Variants in SCUBE1 observed in about 807,000 individuals in gnomAD.
SCUBE1 encodes signal peptide, CUB and EGF-like domain-containing protein 1.
In SCUBE1, 59 loss-of-function variants were observed where a neutral mutation model predicts 124.4. The observed-to-expected ratio is 0.47, with a 90% CI of 0.38 to 0.59. SCUBE1 has a LOEUF of 0.59. Ranked by LOEUF, SCUBE1 falls within the 20% of genes least tolerant of loss-of-function variation. The pLI is 0.00. For synonymous variants in SCUBE1, 545 were observed against 550.9 expected, an observed-to-expected ratio of 0.99 and a Z score of 0.15; for missense variants, 1,150 against 1,371.2, an observed-to-expected ratio of 0.84 and a Z score of 2.55.
intron 3 of SCUBE1, among the ~76,000 whole-genome samples, chr22:43,311,712 T>C (rs1167159225): frequency 6.6e-6 from 1 of 151,826 alleles, no homozygotes; most frequent in Non-Finnish European, 1.5e-5. Context: ...CAGGCATGAG[T>C]TACTGTGCCT....
chr22:43,247,602 C>T (rs540919488), intron 6 of SCUBE1, among the ~76,000 whole-genome samples: 1 of 152,344 alleles, frequency 6.6e-6, no homozygotes, highest in Non-Finnish European at 1.5e-5. Flanking sequence ...CCTGCTACTC[C>T]TCAGTCAAGT....
chr22:43,242,336 C>T (rs1446163978), intron 6 of SCUBE1, among the ~76,000 whole-genome samples: 1 of 152,246 alleles, frequency 6.6e-6, no homozygotes, highest in Admixed American at 6.5e-5. Flanking sequence ...TTCCTCAGGA[C>T]CAGAGGCCAC....
Position 43,267,524 on chromosome 22 carries a change from G to A in SCUBE1, c.485-4679C>T, listed in dbSNP as rs542790077. ...ATTCGCAGCACATGATAAAGGCTCT[G>A]AGAAGTCCTGCGGTCCCTGTGGAAC... On this transcript the variant is annotated intron_variant, in intron 4 of 21. Coordinates refer to ENST00000360835, the MANE Select transcript of SCUBE1 (RefSeq NM_173050.5). Among the ~76,000 whole-genome samples, 17 of 152,318 alleles carry A rather than the reference G, an allele frequency of 1.1e-4. No individual in the cohort carries two copies. The South Asian group carries it at 2.3e-3, about 20-fold the overall frequency.
chr22:43,223,065 C>T lies in SCUBE1; in HGVS notation c.1327+32G>A, dbSNP rs748969993. ...CCCAGGGAGGAAGACCCCCCTGCCA[C>T]AGCATCCCATCTCAGGGACGGCCCG... On this transcript the variant is annotated intron_variant, in intron 11 of 21. Coordinates refer to ENST00000360835, the MANE Select transcript of SCUBE1 (RefSeq NM_173050.5). The T allele has an allele frequency of 1.2e-5, 18 of 1,505,414 alleles. No homozygotes were observed. The South Asian group carries it at 1.9e-4, about 16-fold the overall frequency. The allele number at this position is 1,505,414 out of a possible 1,614,324, so 93.3% of individuals were successfully genotyped here. A position where few individuals can be genotyped will look rare whatever the true frequency, so the allele number is the denominator to read the frequency against.
intron 3 of SCUBE1, among the ~76,000 whole-genome samples, chr22:43,310,864 A>G (rs1926145028): frequency 6.6e-6 from 1 of 151,748 alleles, no homozygotes; most frequent in African/African-American, 2.4e-5. Flanking sequence ...CTGCAGCCTC[A>G]ACCTCCTGGG....
At position 43,210,051 on chromosome 22, in the gene SCUBE1, C is replaced by CT; in HGVS notation, c.2572dup (p.Arg858LysfsTer13). On this transcript the variant is annotated frameshift_variant, in exon 19 of 22. Coordinates refer to ENST00000360835, the MANE Select transcript of SCUBE1 (RefSeq NM_173050.5). LOFTEE classifies it high-confidence loss of function. This position sits in a 1 kb window ranked among gnomAD's most constrained non-coding sequence, Gnocchi z 4.5. ...CTCGGCCCCCAACATACCACTCTTCCTCATGACCAGAACATCGCCGCACTC... is the reference window on the plus strand; with the variant it reads ...CTCGGCCCCCAACATACCACTCTTCCTTCATGACCAGAACATCGCCGCACTC... 1 of 1,606,796 alleles carries CT rather than the reference C, an allele frequency of 6.2e-7. No individual in the cohort carries two copies.
At chr22:43,231,032 C>T (rs1601814414) in intron 8 of SCUBE1, among the ~76,000 whole-genome samples, 1 of 152,316 alleles carries the variant, frequency 6.6e-6, no homozygotes, top group South Asian at 2.1e-4. Flanking sequence ...ATGGGGTGCC[C>T]CACCCCCTGC....
chr22:43,232,331 G>C (rs972303924), intron 7 of SCUBE1: 2 of 166,588 alleles, frequency 1.2e-5, no homozygotes, highest in Non-Finnish European at 2.6e-5. Flanking sequence ...CCTGCTTGCA[G>C]AGCGAGGACA....
At chr22:43,330,803 C>T (rs1277000380) in intron 2 of SCUBE1, among the ~76,000 whole-genome samples, 2 of 152,350 alleles carry the variant, frequency 1.3e-5, no homozygotes, top group South Asian at 2.1e-4. Context: ...TGCTAGCTGA[C>T]AGCAACTTGG....
At chr22:43,260,601 T>C (rs929167382) in intron 5 of SCUBE1, among the ~76,000 whole-genome samples, 15 of 152,232 alleles carry the variant, frequency 9.9e-5, no homozygotes, top group Admixed American at 3.9e-4. Flanking sequence ...TCACCAACCT[T>C]GTCTCATTAA....
In SCUBE1 at chr22:43,203,429, G is replaced by A. The variant is rs374754255; in HGVS notation, c.*568C>T. On this transcript the variant is annotated 3_prime_UTR_variant, in exon 22 of 22. Coordinates refer to ENST00000360835, the MANE Select transcript of SCUBE1 (RefSeq NM_173050.5). ...TACTTCATTAAATGTTCTGTTGAAG[G>A]AATGCAGAAACTTCCAGTCTCCTCC... 9 of 150,812 alleles carry A rather than the reference G, an allele frequency of 6.0e-5. No individual in the cohort carries two copies. The highest frequency in any genetic ancestry group is 2.2e-4 in the African/African-American group (9 of 41,126). The allele number at this position is 150,812 out of a possible 1,614,324, so 9.3% of individuals were successfully genotyped here.
chr22:43,275,169 G>A (rs2146726618), intron 4 of SCUBE1, among the ~76,000 whole-genome samples: 2 of 152,294 alleles, frequency 1.3e-5, no homozygotes, highest in South Asian at 4.1e-4. Flanking sequence ...AGTGAGGCTG[G>A]GGGTCTCTGC....
rs1346650362 is a variant in SCUBE1, at chr22:43,210,852, C to T, written c.2383+70G>A. The T allele has an allele frequency of 1.0e-5, 16 of 1,569,264 alleles. No individual in the cohort carries two copies. The East Asian group carries it at 2.9e-4, about 29-fold the overall frequency. On this transcript the variant is annotated intron_variant, in intron 18 of 21. Transcript: ENST00000360835. The surrounding 1 kb of genome is among the most constrained non-coding windows in gnomAD (Gnocchi z 4.5). The stretch of plus-strand genomic sequence containing the variant: ...TGGAGCTCGTGTGAGATCAGGTCTC[C>T]TCCCGCCCCCACAACCTGCCCAGCC...
intron 16 of SCUBE1, 99 bp downstream of exon 16, chr22:43,213,991 C>T (rs1030930133): frequency 3.5e-5 from 43 of 1,222,150 alleles, no homozygotes; most frequent in Non-Finnish European, 5.6e-6. Context: ...TCTCTGGCCA[C>T]ACCAGGCACC....
intron 3 of SCUBE1, among the ~76,000 whole-genome samples, chr22:43,292,153 C>G (rs1253675716): frequency 6.6e-6 from 1 of 152,172 alleles, no homozygotes; most frequent in Non-Finnish European, 1.5e-5. Context: ...CCCCAAGGCT[C>G]TGTGCCCTGC....
At chr22:43,335,790 GTGA>G (rs1289409923) in intron 2 of SCUBE1, among the ~76,000 whole-genome samples, 1 of 144,800 alleles carries the variant, frequency 6.9e-6, no homozygotes, top group Non-Finnish European at 1.5e-5. Context: ...GATGGTGATG[GTGA>G]TGATGATGGT....
At chr22:43,333,805 C>T (rs962736588) in intron 2 of SCUBE1, among the ~76,000 whole-genome samples, 2 of 152,202 alleles carry the variant, frequency 1.3e-5, no homozygotes, top group Admixed American at 1.3e-4. Context: ...GTCACTTTAC[C>T]TCTCCATGCC....
At chr22:43,306,067 T>C (rs1365213122) in intron 3 of SCUBE1, among the ~76,000 whole-genome samples, 3 of 152,126 alleles carry the variant, frequency 2.0e-5, no homozygotes. Flanking sequence ...CACTGCAGCA[T>C]CTGCCCCGAT....
At chr22:43,296,371 C>T (rs1397489600) in intron 3 of SCUBE1, among the ~76,000 whole-genome samples, 1 of 152,158 alleles carries the variant, frequency 6.6e-6, no homozygotes, top group Non-Finnish European at 1.5e-5. Flanking sequence ...AATCCCTGGG[C>T]GGCTCTAGGA....
Sources: gnomAD v4.1 joint callset for allele counts (sites outside exome capture counted in the v4.1 genomes callset) on GRCh38, gnomAD v4.1.1 for gene constraint, Gnocchi (gnomAD v3.1) non-coding constraint, MANE v1.5 for transcripts, NCBI Gene and HGNC (gene_info 2026-07-23, HGNC 2026-07-21) for gene names.